Variants in RAD54B observed in about 807,000 individuals in gnomAD.
The protein encoded by RAD54B is RAD54 homolog B.
In RAD54B, 78 loss-of-function variants were observed where a neutral mutation model predicts 95.8. That is an observed-to-expected ratio of 0.81 (90% CI 0.68 to 0.98). The LOEUF (loss-of-function observed/expected upper bound fraction) is 0.98. Ranked by LOEUF, RAD54B falls within the 50% of genes least tolerant of loss-of-function variation. RAD54B has a pLI of 0.00. For synonymous variants in RAD54B, 328 were observed against 354.9 expected, an observed-to-expected ratio of 0.92 and a Z score of 0.85; for missense variants, 957 against 1,056.6, an observed-to-expected ratio of 0.91 and a Z score of 1.31.
chr8:94,404,080 A>G lies in RAD54B; in HGVS notation c.941T>C (p.Met314Thr). The change falls in exon 6 of 15, where the codon ATG becomes ACG. Residue 314 changes from methionine (M) to threonine (T), a missense_variant. Transcript: ENST00000336148. ...AACAAATGATTTATTTTCCTACCTCATTCCCATTACACATTCATAAAGGAA... is the reference window on the plus strand; with the variant it reads ...AACAAATGATTTATTTTCCTACCTCGTTCCCATTACACATTCATAAAGGAA... ...IIFLYECVMG[M>T]RMNGRCGAIL... is the part of the protein sequence containing the mutation. 6.3e-7 allele frequency: 1 copy of G among 1,591,696 alleles called. No homozygotes were observed. The highest frequency in any genetic ancestry group is 8.6e-7 in the Non-Finnish European group (1 of 1,169,232).
intron 3 of RAD54B, chr8:94,428,438 A>G (rs1011639978): frequency 1.8e-5 from 9 of 500,136 alleles, no homozygotes; most frequent in African/African-American, 1.3e-4. Context: ...AGTCCCTTAT[A>G]TAAAATGTTT....
intron 14 of RAD54B, among the ~76,000 whole-genome samples, chr8:94,377,104 G>A (rs781444939): frequency 2.9e-4 from 44 of 152,088 alleles, no homozygotes; most frequent in Non-Finnish European, 5.4e-4. Flanking sequence ...CTTACATCAA[G>A]TACTGAGAAG....
At chr8:94,422,775 T>TAA (rs1554606290) in intron 3 of RAD54B, among the ~76,000 whole-genome samples, 53 of 143,030 alleles carry the variant, frequency 3.7e-4, no homozygotes, top group Non-Finnish European at 6.5e-4. Context: ...TATATATATA[T>TAA]AATTGTTAGG....
intron 2 of RAD54B, among the ~76,000 whole-genome samples, chr8:94,459,272 C>T (rs367964013): frequency 1.3e-5 from 2 of 151,756 alleles, no homozygotes; most frequent in African/African-American, 4.8e-5. Flanking sequence ...CCCACCTCAG[C>T]CTCCCTAGTA....
chr8:94,430,759 A>AT (rs1437627170), intron 3 of RAD54B: 17 of 982,632 alleles, frequency 1.7e-5, no homozygotes, highest in Non-Finnish European at 1.9e-5. Flanking sequence ...AAGATTCCTC[A>AT]TTAAAAAATG....
Position 94,378,322 on chromosome 8 carries a change from T to C in RAD54B, c.2373A>G (p.Ala791=). 6.2e-7 allele frequency: 1 copy of C among 1,614,040 alleles called. No individual in the cohort carries two copies. The highest frequency in any genetic ancestry group is 8.5e-7 in the Non-Finnish European group (1 of 1,179,964). Reference sequence around the variant, plus strand: ...CAGATGTCTTGGTGAGGTCGACAACTGCCCCACAAAGACCTTGCTTACTGA... The same window carrying C: ...CAGATGTCTTGGTGAGGTCGACAACCGCCCCACAAAGACCTTGCTTACTGA... The part of the protein sequence containing the change: ...RQISKQGLCG[A]VVDLTKTSEH... Residue 791 remains alanine, a synonymous_variant, in exon 14 of 15, where the codon GCA becomes GCG. Coordinates refer to ENST00000336148, the MANE Select transcript of RAD54B (RefSeq NM_012415.3).
chr8:94,437,454 T>C (rs1563657512), intron 3 of RAD54B, among the ~76,000 whole-genome samples: 3 of 152,198 alleles, frequency 2.0e-5, no homozygotes, highest in Non-Finnish European at 1.5e-5. Context: ...CAATCAGGAA[T>C]TGCATATCCT....
chr8:94,392,275 T>C (rs572525780), intron 9 of RAD54B, among the ~76,000 whole-genome samples: 1 of 152,336 alleles, frequency 6.6e-6, no homozygotes, highest in South Asian at 2.1e-4. Flanking sequence ...GTTGTTGTTG[T>C]TTTTGAGACA....
intron 3 of RAD54B, among the ~76,000 whole-genome samples, chr8:94,418,077 C>A (rs946430827): frequency 6.6e-6 from 1 of 152,186 alleles, no homozygotes; most frequent in Non-Finnish European, 1.5e-5. Flanking sequence ...GATAACACGT[C>A]ATTTTTCAGA....
At chr8:94,396,003 A>G (rs1285517247) in intron 8 of RAD54B, among the ~76,000 whole-genome samples, 1 of 152,182 alleles carries the variant, frequency 6.6e-6, no homozygotes. Flanking sequence ...GGAAGAGGCA[A>G]GAACAAAACT....
In RAD54B at chr8:94,378,259, C is replaced by A. The variant is rs1432556487; in HGVS notation, c.2436G>T (p.Leu812Phe). 6.2e-7 allele frequency: 1 copy of A among 1,613,330 alleles called. No individual in the cohort carries two copies. Among genetic ancestry groups the A allele is most frequent in the African/African-American group, 1.3e-5 (1 of 74,990 alleles). The change falls in exon 14 of 15, where the codon TTG (leucine) becomes TTT (phenylalanine). Residue 812 changes from leucine to phenylalanine, a missense_variant. Leu to Phe is a conservative substitution (Grantham distance 22, BLOSUM62 0). Transcript: ENST00000336148. ...AATCTGAACTTTCATGTAATGTGAACAAATTTTTAAGTTCTTCTACTGAAA... is the reference window on the plus strand; with the variant it reads ...AATCTGAACTTTCATGTAATGTGAAAAAATTTTTAAGTTCTTCTACTGAAA... ...IQFSVEELKNLFTLHESSDCV... is the reference protein window; with the variant it reads ...IQFSVEELKNFFTLHESSDCV...
intron 14 of RAD54B, among the ~76,000 whole-genome samples, chr8:94,377,472 G>A (rs1005340372): frequency 6.9e-6 from 1 of 145,928 alleles, no homozygotes; most frequent in Non-Finnish European, 1.5e-5. Flanking sequence ...GGAGGCGGAG[G>A]TTGCAGTGAG....
rs754033675 is a variant in RAD54B, at chr8:94,404,087, T to C, written c.934A>G (p.Met312Val). ...GATTTATTTTCCTACCTCATTCCCA[T>C]TACACATTCATAAAGGAATATGATT... ...EGIIFLYECVMGMRMNGRCGA... is the reference protein window; with the variant it reads ...EGIIFLYECVVGMRMNGRCGA... The change falls in exon 6 of 15, where the codon ATG becomes GTG. Residue 312 changes from methionine (M) to valine (V), a missense_variant. Transcript: ENST00000336148. 7 of 1,599,158 alleles carry C rather than the reference T, an allele frequency of 4.4e-6. No homozygotes were observed. Among genetic ancestry groups the C allele is most frequent in the Non-Finnish European group, 6.0e-6 (7 of 1,173,298 alleles).
rs143723079 is a variant in RAD54B, at chr8:94,411,286, A to G, written c.334T>C (p.Ser112Pro). 23 of 1,593,770 alleles carry G rather than the reference A, an allele frequency of 1.4e-5. No individual in the cohort carries two copies. The African/African-American group carries it at 2.9e-4, about 20-fold the overall frequency. ...VHSAPKEVAV[S>P]KEQEEKSDSL... is the part of the protein sequence containing the mutation. Reference sequence around the variant, plus strand: ...TCAGATTTCTCTTCTTGTTCCTTGGACACTGCTACTTCTTTAGGAGCCGAA... The same window carrying G: ...TCAGATTTCTCTTCTTGTTCCTTGGGCACTGCTACTTCTTTAGGAGCCGAA... Residue 112 changes from serine to proline, a missense_variant, in exon 4 of 15, where the codon TCC (serine) becomes CCC (proline). Transcript: ENST00000336148.
Position 94,437,828 on chromosome 8 carries a change from C to T in RAD54B, c.304+20440G>A, listed in dbSNP as rs116038681. 7.7e-3 allele frequency among the ~76,000 whole-genome samples: 1,170 copies of T among 152,268 alleles called. 15 individuals are homozygous for T. The highest frequency in any genetic ancestry group is 0.026 in the East Asian group (135 of 5,180). On this transcript the variant is annotated intron_variant, in intron 3 of 14. Coordinates refer to ENST00000336148, the MANE Select transcript of RAD54B (RefSeq NM_012415.3). Reference sequence around the variant, plus strand: ...TATGAAAGGAAACAGCTAGTCTAGCCATTTTCAAGGCCACCAGTTTCGGTG... The same window carrying T: ...TATGAAAGGAAACAGCTAGTCTAGCTATTTTCAAGGCCACCAGTTTCGGTG...
At chr8:94,461,994 T>C (rs1205306567) in intron 2 of RAD54B, among the ~76,000 whole-genome samples, 1 of 152,214 alleles carries the variant, frequency 6.6e-6, no homozygotes, top group African/African-American at 2.4e-5. Flanking sequence ...ATCTAGTCAG[T>C]ATGTTCCTTT....
intron 3 of RAD54B, chr8:94,429,117 A>G: frequency 1.1e-5 from 11 of 985,142 alleles, no homozygotes; most frequent in Non-Finnish European, 1.3e-5. Context: ...GCTGCAGTAA[A>G]CTCAAAGAGT....
In RAD54B at chr8:94,404,067, AT is replaced by A; in HGVS notation, c.944+9del. 1 of 1,569,994 alleles carries A rather than the reference AT, an allele frequency of 6.4e-7. No homozygotes were observed. The highest frequency in any genetic ancestry group is 1.2e-5 in the South Asian group (1 of 84,650). The stretch of plus-strand genomic sequence containing the variant: ...TCAGATTAGATTAAACAAATGATTT[AT>A]TTTCCTACCTCATTCCCATTACACA... On this transcript the variant is annotated intron_variant, in intron 6 of 14. Transcript: ENST00000336148.
intron 2 of RAD54B, among the ~76,000 whole-genome samples, chr8:94,459,186 TG>T (rs1172265548): frequency 3.9e-5 from 6 of 152,106 alleles, no homozygotes; most frequent in Non-Finnish European, 8.8e-5. Context: ...GGTCTCGGTC[TG>T]GTACCCAGGC....
Sources: gnomAD v4.1 joint callset for allele counts (sites outside exome capture counted in the v4.1 genomes callset) on GRCh38, gnomAD v4.1.1 for gene constraint, MANE v1.5 for transcripts, NCBI Gene and HGNC (gene_info 2026-07-23, HGNC 2026-07-21) for gene names.